CCSER1: variants seen among roughly 807,000 people sequenced by gnomAD.
The protein encoded by CCSER1 is serine-rich coiled-coil domain-containing protein 1.
CCSER1 carries 41 observed loss-of-function variants against 82.0 expected under a neutral mutation model. The ratio of observed to expected loss-of-function variants is 0.50; its 90% confidence interval spans 0.39 to 0.65. The LOEUF (loss-of-function observed/expected upper bound fraction) is 0.65, where lower values mean the gene tolerates loss of function less well. Ranked by LOEUF, CCSER1 falls within the 30% of genes least tolerant of loss-of-function variation. The pLI is 0.00. For synonymous variants in CCSER1, 414 were observed against 383.9 expected (o/e 1.08, Z -0.92); for missense variants, 1,119 against 1,064.2 (o/e 1.05, Z -0.72).
intron 10 of CCSER1, among the ~76,000 whole-genome samples, chr4:91,519,003 C>T (rs2110135056): frequency 6.6e-6 from 1 of 152,278 alleles, no homozygotes; most frequent in South Asian, 2.1e-4. Flanking sequence ...TTTCCCTAGC[C>T]TGATGGTAGT....
At chr4:91,156,982 A>G (rs1387504335) in intron 10 of CCSER1, among the ~76,000 whole-genome samples, 2 of 151,946 alleles carry the variant, frequency 1.3e-5, no homozygotes, top group Non-Finnish European at 2.9e-5. Flanking sequence ...GACGTTACTG[A>G]TGGTCAATTT....
rs1728709637 is a variant in CCSER1, at chr4:90,158,315, G to T, written c.-42+30484G>T. On this transcript the variant is annotated intron_variant, in intron 1 of 10. Coordinates refer to ENST00000509176, the MANE Select transcript of CCSER1 (RefSeq NM_001145065.2). ...GGGGTGCCTCCCAGTTAGGCTGCTCGGGGGTCAGGGGTCAGGGACCCACTT... is the reference window on the plus strand; with the variant it reads ...GGGGTGCCTCCCAGTTAGGCTGCTCTGGGGTCAGGGGTCAGGGACCCACTT... Among the ~76,000 whole-genome samples the T allele has an allele frequency of 2.0e-5, 3 of 152,164 alleles. No individual in the cohort carries two copies. In the South Asian group the frequency reaches 6.2e-4, roughly 32 times the overall value.
At chr4:90,269,364 AAAT>A (rs1438477126) in intron 1 of CCSER1, among the ~76,000 whole-genome samples, 1 of 152,148 alleles carries the variant, frequency 6.6e-6, no homozygotes, top group Non-Finnish European at 1.5e-5. Flanking sequence ...ATAAAACTAG[AAAT>A]AAATAACACA....
Position 90,515,111 on chromosome 4 carries a change from C to T in CCSER1, c.1724+46757C>T, listed in dbSNP as rs146079353. Among the ~76,000 whole-genome samples the T allele has an allele frequency of 7.6e-3, 1,153 of 152,228 alleles. 6 individuals are homozygous for T. The highest frequency in any genetic ancestry group is 0.019 in the African/African-American group (783 of 41,562). ...GACCTTGTGATCTGCCTGCCTTGGC[C>T]TCCCAAAGTGCTGGGATTACAGGCC... On this transcript the variant is annotated intron_variant, in intron 5 of 10. Coordinates refer to ENST00000509176, the MANE Select transcript of CCSER1 (RefSeq NM_001145065.2).
At chr4:91,413,693 A>G (rs1428666201) in intron 10 of CCSER1, among the ~76,000 whole-genome samples, 1 of 152,114 alleles carries the variant, frequency 6.6e-6, no homozygotes, top group Non-Finnish European at 1.5e-5. Context: ...CATACAGAAT[A>G]ATAAAGCTCT....
rs565793280 is a variant in CCSER1 at position 91,385,963 on chromosome 4, T to TAC, written c.2218-212597_2218-212596dup. 2.0e-3 allele frequency among the ~76,000 whole-genome samples: 305 copies of TAC among 151,760 alleles called. 3 individuals are homozygous for TAC. Among genetic ancestry groups the TAC allele is most frequent in the African/African-American group, 6.2e-3 (258 of 41,448 alleles). On this transcript the variant is annotated intron_variant, in intron 10 of 10. Coordinates refer to ENST00000509176, the MANE Select transcript of CCSER1 (RefSeq NM_001145065.2). Reference sequence around the variant, plus strand: ...GTGTATATCCATGTGTATTTATACATACACACACACACATACATATATATG... The same window carrying TAC: ...GTGTATATCCATGTGTATTTATACATACACACACACACACATACATATATATG...
intron 10 of CCSER1, among the ~76,000 whole-genome samples, chr4:91,134,711 T>C (rs1246596838): frequency 6.6e-6 from 1 of 152,146 alleles, no homozygotes; most frequent in South Asian, 2.1e-4. Context: ...CAATCTTCAA[T>C]GAATGTTAAA....
chr4:90,288,381 T>C (rs911290184), intron 1 of CCSER1, among the ~76,000 whole-genome samples: 1 of 151,976 alleles, frequency 6.6e-6, no homozygotes, highest in Admixed American at 6.6e-5. Flanking sequence ...ACCACCTCCA[T>C]ACTTGTCTTC....
chr4:90,888,908 T>C (rs1349635493), intron 8 of CCSER1, among the ~76,000 whole-genome samples: 1 of 152,186 alleles, frequency 6.6e-6, no homozygotes, highest in Non-Finnish European at 1.5e-5. Flanking sequence ...TGTATTTTCA[T>C]TTTCATTTGA....
chr4:91,345,936 A>T (rs559366915), intron 10 of CCSER1, among the ~76,000 whole-genome samples: 1 of 152,138 alleles, frequency 6.6e-6, no homozygotes, highest in African/African-American at 2.4e-5. Flanking sequence ...AAATCATAAG[A>T]GTATATATAG....
chr4:90,939,058 A>G (rs992295922), intron 9 of CCSER1, among the ~76,000 whole-genome samples: 1 of 152,098 alleles, frequency 6.6e-6, no homozygotes, highest in African/African-American at 2.4e-5. Context: ...CTTCTCATCC[A>G]TGTCATTGGT....
intron 7 of CCSER1, 117 bp from the exon 8 acceptor site, chr4:90,815,645 A>G (rs1758912748): frequency 1.6e-6 from 1 of 627,800 alleles, no homozygotes; most frequent in Non-Finnish European, 2.7e-6. Context: ...CTATAGAGGG[A>G]ATTTGAGTTT....
intron 1 of CCSER1, among the ~76,000 whole-genome samples, chr4:90,224,581 C>G (rs1283429726): frequency 6.6e-6 from 1 of 152,156 alleles, no homozygotes. Context: ...AATGATTACA[C>G]TGTGGAACAC....
Position 91,437,373 on chromosome 4 carries a change from A to G in CCSER1, c.2218-161199A>G, listed in dbSNP as rs112845662. 5.9e-5 allele frequency among the ~76,000 whole-genome samples: 9 copies of G among 152,292 alleles called. 1 individual carries two copies. Among genetic ancestry groups the G allele is most frequent in the African/African-American group, 2.2e-4 (9 of 41,572 alleles). ...TACACATAATGTCATAAAACAAGAA[A>G]AATATTGAGGCGCTATTCTGCAATT... On this transcript the variant is annotated intron_variant, in intron 10 of 10. Coordinates refer to ENST00000509176, the MANE Select transcript of CCSER1 (RefSeq NM_001145065.2).
rs561291669 is a variant in CCSER1, at chr4:91,154,210, G to T, written c.2217+68216G>T. On this transcript the variant is annotated intron_variant, in intron 10 of 10. Transcript: ENST00000509176. ...TTTACCTACTCAAGCCTCAGGTATGGCAAACGCCCCTCCCCCAGCCTTGCT... is the reference window on the plus strand; with the variant it reads ...TTTACCTACTCAAGCCTCAGGTATGTCAAACGCCCCTCCCCCAGCCTTGCT... Among the ~76,000 whole-genome samples, 5 of 152,006 alleles carry T rather than the reference G, an allele frequency of 3.3e-5. No individual in the cohort carries two copies. In the South Asian group the frequency reaches 6.2e-4, roughly 19 times the overall value.
intron 7 of CCSER1, among the ~76,000 whole-genome samples, chr4:90,763,955 A>AAAATGT (rs1750795967): frequency 6.6e-6 from 1 of 152,220 alleles, no homozygotes; most frequent in African/African-American, 2.4e-5. Flanking sequence ...TTATGATTTT[A>AAAATGT]TAAAGAGCTT....
At chr4:91,184,940 A>G (rs1487039107) in intron 10 of CCSER1, among the ~76,000 whole-genome samples, 1 of 152,226 alleles carries the variant, frequency 6.6e-6, no homozygotes, top group African/African-American at 2.4e-5. Flanking sequence ...TTGGTTGAAT[A>G]GTACCAGGTT....
At chr4:90,164,063 C>G (rs1025487357) in intron 1 of CCSER1, among the ~76,000 whole-genome samples, 2 of 152,074 alleles carry the variant, frequency 1.3e-5, no homozygotes, top group Admixed American at 6.6e-5. Flanking sequence ...GGTTGACAAG[C>G]ACTTTAGGAT....
intron 5 of CCSER1, among the ~76,000 whole-genome samples, chr4:90,556,530 T>C (rs1001540631): frequency 1.3e-5 from 2 of 152,068 alleles, no homozygotes; most frequent in African/African-American, 4.8e-5. Context: ...TTACAGCCTA[T>C]TGTTGACTGG....
Sources: allele counts gnomAD v4.1 joint callset (sites outside exome capture counted in the v4.1 genomes callset), GRCh38; gene constraint gnomAD v4.1.1; transcripts MANE v1.5; gene names NCBI Gene and HGNC (gene_info 2026-07-23, HGNC 2026-07-21).